The following HECW2 variants were observed in gnomAD, a reference collection of about 807,000 sequenced individuals.
The protein encoded by HECW2 is HECT, C2 and WW domain containing E3 ubiquitin protein ligase 2.
A neutral mutation model predicts 175.2 loss-of-function variants in HECW2; 61 were observed. That is an observed-to-expected ratio of 0.35 (90% CI 0.28 to 0.43). The LOEUF is 0.43. HECW2 is among the 20% of genes least tolerant of loss of function. The probability of loss-of-function intolerance (pLI) is 1.00; values close to 1 mark genes in which losing one functional copy is unlikely to be tolerated. For missense variants in HECW2, 1,524 were observed against 2,000.5 expected, an observed-to-expected ratio of 0.76 and a Z score of 4.54; for synonymous variants, 671 against 731.0, an observed-to-expected ratio of 0.92 and a Z score of 1.32.
At chr2:196,581,582 C>T (rs1690786607) in intron 1 of HECW2, among the ~76,000 whole-genome samples, 1 of 151,940 alleles carries the variant, frequency 6.6e-6, no homozygotes, top group African/African-American at 2.4e-5. Flanking sequence ...GAATTATACA[C>T]CTTAACATTG....
intron 14 of HECW2, among the ~76,000 whole-genome samples, chr2:196,282,027 C>T (rs1176818545): frequency 1.8e-4 from 27 of 152,044 alleles, no homozygotes; most frequent in Admixed American, 1.8e-3. Flanking sequence ...AATATGAGGT[C>T]CTATTATTTT....
intron 1 of HECW2, among the ~76,000 whole-genome samples, chr2:196,569,129 G>T (rs1690286167): frequency 6.6e-6 from 1 of 152,172 alleles, no homozygotes; most frequent in Non-Finnish European, 1.5e-5. Context: ...TTGAGGCCAG[G>T]AGTTCAAGAC....
chr2:196,292,336 T>A (rs142488258), intron 14 of HECW2: 1 of 458,446 alleles, frequency 2.2e-6, no homozygotes, highest in East Asian at 3.4e-5. Context: ...GAGAAGTGAA[T>A]GCTTTGCCAG....
At chr2:196,274,889 C>T (rs528113127) in intron 15 of HECW2, among the ~76,000 whole-genome samples, 1 of 152,250 alleles carries the variant, frequency 6.6e-6, no homozygotes, top group South Asian at 2.1e-4. Context: ...AGCATTTTCC[C>T]CCATATTACA....
chr2:196,501,812 T>C (rs1687587913), intron 1 of HECW2, among the ~76,000 whole-genome samples: 1 of 152,248 alleles, frequency 6.6e-6, no homozygotes. Context: ...ACATGAATGG[T>C]TATACTTCTC....
intron 1 of HECW2, among the ~76,000 whole-genome samples, chr2:196,522,438 C>T (rs1329328813): frequency 6.6e-6 from 1 of 152,126 alleles, no homozygotes. Flanking sequence ...TGCCTGTTCA[C>T]TCTGATGGTA....
chr2:196,281,331 C>A (rs1374800441), intron 14 of HECW2, among the ~76,000 whole-genome samples: 1 of 151,982 alleles, frequency 6.6e-6, no homozygotes, highest in East Asian at 1.9e-4. Flanking sequence ...AATTAACTAA[C>A]CAAGTGCTAA....
chr2:196,321,698 C>T (rs1389448872), intron 7 of HECW2, among the ~76,000 whole-genome samples: 1 of 152,188 alleles, frequency 6.6e-6, no homozygotes, highest in Non-Finnish European at 1.5e-5. Context: ...CCGTGCCCGG[C>T]CAACTTATTC....
intron 1 of HECW2, among the ~76,000 whole-genome samples, chr2:196,569,366 C>A (rs374362914): frequency 5.0e-4 from 52 of 104,706 alleles, no homozygotes; most frequent in African/African-American, 2.6e-3. Flanking sequence ...CTAAACTAAA[C>A]TAAACTAAAA....
chr2:196,293,406 T>C (rs1690680407), intron 13 of HECW2, among the ~76,000 whole-genome samples: 1 of 152,238 alleles, frequency 6.6e-6, no homozygotes, highest in African/African-American at 2.4e-5. Context: ...CTATCATTGA[T>C]GGATATTTGG....
At chr2:196,210,965 A>C (rs1687262510) in intron 28 of HECW2, among the ~76,000 whole-genome samples, 3 of 152,024 alleles carry the variant, frequency 2.0e-5, no homozygotes, top group African/African-American at 7.2e-5. Context: ...TATGTTTTTA[A>C]AAAATAATTT....
Position 196,342,804 on chromosome 2 carries a change from A to G in HECW2, c.400+853T>C, listed in dbSNP as rs568773498. On this transcript the variant is annotated intron_variant, in intron 3 of 28. Coordinates refer to ENST00000644978, the MANE Select transcript of HECW2 (RefSeq NM_001348768.2). ...ACGAAGTTATTCTGCCGCTGGCAAAAATTATAATGAGATATTTCAAAGGCA... is the reference window on the plus strand; with the variant it reads ...ACGAAGTTATTCTGCCGCTGGCAAAGATTATAATGAGATATTTCAAAGGCA... Among the ~76,000 whole-genome samples the G allele has an allele frequency of 8.5e-5, 13 of 152,294 alleles. No homozygotes were observed. In the South Asian group the frequency reaches 2.7e-3, roughly 32 times the overall value.
At chr2:196,351,419 C>T (rs1272535812) in intron 2 of HECW2, among the ~76,000 whole-genome samples, 1 of 151,978 alleles carries the variant, frequency 6.6e-6, no homozygotes, top group Non-Finnish European at 1.5e-5. Flanking sequence ...CATATCCAAA[C>T]ATATTCTAGA....
intron 2 of HECW2, among the ~76,000 whole-genome samples, chr2:196,358,645 G>T (rs1693474608): frequency 7.0e-6 from 1 of 143,122 alleles, no homozygotes. Context: ...TTCTTTTAAA[G>T]GGAGCTATGT....
chr2:196,575,156 A>C (rs1156401777), intron 1 of HECW2, among the ~76,000 whole-genome samples: 2 of 151,808 alleles, frequency 1.3e-5, no homozygotes, highest in African/African-American at 4.8e-5. Context: ...CAATTGGCCA[A>C]CGTATGTATG....
intron 1 of HECW2, among the ~76,000 whole-genome samples, chr2:196,591,043 A>G (rs1253591085): frequency 6.6e-6 from 1 of 152,238 alleles, no homozygotes; most frequent in Non-Finnish European, 1.5e-5. Flanking sequence ...TGCAATCTAC[A>G]CAACACATAG....
At chr2:196,348,948 A>T (rs981765467) in intron 2 of HECW2, among the ~76,000 whole-genome samples, 2 of 152,136 alleles carry the variant, frequency 1.3e-5, no homozygotes, top group African/African-American at 2.4e-5. Flanking sequence ...GTGGCATCCA[A>T]GAGGACATTA....
chr2:196,379,795 A>G (rs1694158429), intron 2 of HECW2, among the ~76,000 whole-genome samples: 2 of 151,920 alleles, frequency 1.3e-5, no homozygotes, highest in South Asian at 4.2e-4. Context: ...ATGGTGTTTG[A>G]AGTCAGGACA....
chr2:196,571,125 C>T (rs1447302363), intron 1 of HECW2, among the ~76,000 whole-genome samples: 1 of 152,200 alleles, frequency 6.6e-6, no homozygotes, highest in Non-Finnish European at 1.5e-5. Context: ...TACCCTTATA[C>T]TCTTCCTTTA....
Sources: allele counts gnomAD v4.1 joint callset (sites outside exome capture counted in the v4.1 genomes callset), GRCh38; gene constraint gnomAD v4.1.1; transcripts MANE v1.5; gene names NCBI Gene and HGNC (gene_info 2026-07-23, HGNC 2026-07-21).